FOXP2: variants seen among roughly 807,000 people sequenced by gnomAD.
FOXP2 encodes the protein forkhead box protein P2.
Under a neutral mutation model 115.8 loss-of-function variants are expected in FOXP2, and 12 were observed. The observed-to-expected ratio is 0.10, with a 90% confidence interval of 0.07 to 0.17. The LOEUF (loss-of-function observed/expected upper bound fraction) is 0.17. Among genes scored for constraint, FOXP2 ranks in the 10% least tolerant of loss-of-function variants. The probability of loss-of-function intolerance (pLI) is 1.00; values close to 1 mark genes in which losing one functional copy is unlikely to be tolerated. For synonymous variants in FOXP2, 328 were observed against 297.7 expected (o/e 1.10, Z -1.05); for missense variants, 629 against 843.5 (o/e 0.75, Z 3.15).
intron 3 of FOXP2, among the ~76,000 whole-genome samples, chr7:114,575,582 A>G (rs1202409710): frequency 6.6e-6 from 1 of 151,880 alleles, no homozygotes; most frequent in East Asian, 1.9e-4. Context: ...GAAGACAGCT[A>G]AGTGGAAGAG....
At chr7:114,651,021 G>A (rs868210742) in intron 8 of FOXP2, among the ~76,000 whole-genome samples, 8 of 151,910 alleles carry the variant, frequency 5.3e-5, no homozygotes, top group Non-Finnish European at 1.0e-4. Context: ...CTCTTCATAT[G>A]TTTTACATGT....
At chr7:114,672,438 A>T (rs899412450) in intron 16 of FOXP2, among the ~76,000 whole-genome samples, 1 of 152,088 alleles carries the variant, frequency 6.6e-6, no homozygotes, top group Non-Finnish European at 1.5e-5. Flanking sequence ...TACAAAAATT[A>T]GCTGGGCACG....
intron 1 of FOXP2, among the ~76,000 whole-genome samples, chr7:114,424,900 A>G (rs888155978): frequency 1.3e-5 from 2 of 151,112 alleles, no homozygotes; most frequent in African/African-American, 2.4e-5. Context: ...GACGTTTTTT[A>G]CTAAATCAGT....
At chr7:114,636,040 T>G (rs1805198532) in intron 6 of FOXP2, among the ~76,000 whole-genome samples, 1 of 152,202 alleles carries the variant, frequency 6.6e-6, no homozygotes, top group African/African-American at 2.4e-5. Flanking sequence ...AGCATGTATT[T>G]AATTCACCTC....
intron 1 of FOXP2, among the ~76,000 whole-genome samples, chr7:114,243,057 T>C (rs1191479977): frequency 6.6e-6 from 1 of 152,092 alleles, no homozygotes; most frequent in Admixed American, 6.6e-5. Context: ...GTGCCAGTCA[T>C]TTTTATATGT....
At chr7:114,126,818 C>A (rs555218419) in intron 1 of FOXP2, among the ~76,000 whole-genome samples, 1 of 152,266 alleles carries the variant, frequency 6.6e-6, no homozygotes, top group Middle Eastern at 3.4e-3. Context: ...CGGGTTTAGA[C>A]CTATGTCTTT....
chr7:114,153,461 A>G lies in FOXP2; in HGVS notation c.-246-9483A>G, dbSNP rs139620245. ...TATGACGTAGAAAGTAATGTTACAA[A>G]TCTGTTAGTTGTGTTAATTATGTTT... On this transcript the variant is annotated intron_variant, in intron 1 of 19. Coordinates refer to the FOXP2 transcript ENST00000635638. 3.5e-3 allele frequency among the ~76,000 whole-genome samples: 530 copies of G among 152,264 alleles called. 4 individuals carry two copies. The highest frequency in any genetic ancestry group is 0.012 in the African/African-American group (501 of 41,552).
chr7:114,487,629 G>T (rs561578352), intron 2 of FOXP2, among the ~76,000 whole-genome samples: 2 of 151,958 alleles, frequency 1.3e-5, no homozygotes, highest in South Asian at 4.1e-4. Flanking sequence ...TTGTTGCTTA[G>T]AAAATTCTTC....
chr7:114,345,223 G>A (rs142794666), intron 2 of FOXP2, among the ~76,000 whole-genome samples: 14 of 151,822 alleles, frequency 9.2e-5, no homozygotes, highest in African/African-American at 2.9e-4. Context: ...TAGTGAAATT[G>A]GATGTGTCCA....
intron 2 of FOXP2, among the ~76,000 whole-genome samples, chr7:114,471,075 T>G (rs1235753812): frequency 2.6e-5 from 4 of 152,230 alleles, no homozygotes; most frequent in Non-Finnish European, 4.4e-5. Context: ...TTACTTGTTG[T>G]AGCATTTTCT....
chr7:114,136,309 C>A (rs1409729455), intron 1 of FOXP2, among the ~76,000 whole-genome samples: 3 of 151,992 alleles, frequency 2.0e-5, no homozygotes, highest in African/African-American at 4.8e-5. Flanking sequence ...CCTTGGTTTA[C>A]CCCATTGGAG....
At chr7:114,568,843 G>A (rs956625677) in intron 3 of FOXP2, among the ~76,000 whole-genome samples, 1 of 151,460 alleles carries the variant, frequency 6.6e-6, no homozygotes, top group Non-Finnish European at 1.5e-5. Flanking sequence ...TCCTGTTTAT[G>A]TACTCCTCCA....
At chr7:114,609,385 A>T (rs976960214) in intron 3 of FOXP2, among the ~76,000 whole-genome samples, 1 of 152,158 alleles carries the variant, frequency 6.6e-6, no homozygotes, top group Non-Finnish European at 1.5e-5. Context: ...GAAAACATTT[A>T]AAAAACTCCT....
chr7:114,657,986 C>T, intron 10 of FOXP2, 80 bp from the exon 11 acceptor site: 1 of 1,474,328 alleles, frequency 6.8e-7, no homozygotes, highest in Non-Finnish European at 9.5e-7. Context: ...AGAAGTGAAT[C>T]CACTCTCATT....
intron 2 of FOXP2, among the ~76,000 whole-genome samples, chr7:114,294,351 T>C (rs1796682599): frequency 6.6e-6 from 1 of 152,160 alleles, no homozygotes; most frequent in Non-Finnish European, 1.5e-5. Context: ...TCTATCCTGA[T>C]AGTTTTCTGC....
intron 3 of FOXP2, among the ~76,000 whole-genome samples, chr7:114,550,158 C>T (rs1228226926): frequency 6.9e-6 from 1 of 144,278 alleles, no homozygotes; most frequent in Non-Finnish European, 1.5e-5. Flanking sequence ...CGCTCTGTCG[C>T]CCAGGCTGGA....
chr7:114,431,953 T>G (rs1205350910), intron 2 of FOXP2, among the ~76,000 whole-genome samples: 1 of 151,964 alleles, frequency 6.6e-6, no homozygotes, highest in Non-Finnish European at 1.5e-5. Flanking sequence ...GACTGTACAG[T>G]CATAATTCTG....
chr7:114,296,411 T>A (rs983169952), intron 2 of FOXP2, among the ~76,000 whole-genome samples: 1 of 152,172 alleles, frequency 6.6e-6, no homozygotes, highest in Non-Finnish European at 1.5e-5. Context: ...CCAAAGATAG[T>A]ATTAATTTTG....
chr7:114,097,231 A>C (rs1799672119), intron 1 of FOXP2, among the ~76,000 whole-genome samples: 1 of 152,212 alleles, frequency 6.6e-6, no homozygotes, highest in African/African-American at 2.4e-5. Flanking sequence ...TACCACACTT[A>C]ATATACAGAA....
Sources: allele counts gnomAD v4.1 joint callset (sites outside exome capture counted in the v4.1 genomes callset), GRCh38; gene constraint gnomAD v4.1.1; transcripts MANE v1.5; gene names NCBI Gene and HGNC (gene_info 2026-07-23, HGNC 2026-07-21).